NONO: variants seen among roughly 807,000 people sequenced by gnomAD.
The protein encoded by NONO is non-POU domain-containing octamer-binding protein.
Under a neutral mutation model 40.2 loss-of-function variants are expected in NONO, and 6 were observed. The ratio of observed to expected loss-of-function variants is 0.15; its 90% confidence interval spans 0.08 to 0.29. The LOEUF (loss-of-function observed/expected upper bound fraction) is 0.29, where lower values mean the gene tolerates loss of function less well. Ranked by LOEUF, NONO falls within the 10% of genes least tolerant of loss-of-function variation. The pLI is 1.00. For synonymous variants in NONO, 89 were observed against 123.3 expected (o/e 0.72, Z 1.85); for missense variants, 133 against 397.8 (o/e 0.33, Z 5.66).
At chrX:71,288,909 G>A (rs1393982220) in intron 2 of NONO, among the ~76,000 whole-genome samples, 2 of 111,903 alleles carry the variant, frequency 1.8e-5, no homozygotes, top group Non-Finnish European at 3.8e-5. Flanking sequence ...ACACAATTGA[G>A]GAACACAATT....
At chrX:71,285,041 T>C (rs2148025955) in intron 2 of NONO, 1 of 112,536 alleles carries the variant, frequency 8.9e-6, no homozygotes, top group East Asian at 2.8e-4. Context: ...CTGCACATAT[T>C]TCCAAATTAT....
Position 71,300,195 on chromosome X carries a change from G to A in NONO, c.*119G>A, listed in dbSNP as rs751032985. On this transcript the variant is annotated 3_prime_UTR_variant, in exon 12 of 12. Transcript: ENST00000276079. The stretch of plus-strand genomic sequence containing the variant: ...TCCAATAGTTAGATCTACCCTGCCT[G>A]TACTACTCTAGGGAGTATGCTGGAG... 4.1e-5 allele frequency: 35 copies of A among 856,527 alleles called. No individual in the cohort carries two copies. The highest frequency in any genetic ancestry group is 5.4e-5 in the Non-Finnish European group (32 of 590,004). 70.6% of individuals were successfully genotyped at this position (856,527 alleles called of 1,213,427 possible). A position where few individuals can be genotyped will look rare whatever the true frequency, so the allele number is the denominator to read the frequency against.
At chrX:71,299,913 T>TAC (rs1225024327) in intron 11 of NONO, 29 bp from the exon 12 acceptor site, 1 of 1,207,670 alleles carries the variant, frequency 8.3e-7, no homozygotes, top group African/African-American at 1.8e-5. Flanking sequence ...ATGGCTCTGT[T>TAC]ACAGTGTTGC....
At chrX:71,287,304 C>G (rs2031212229) in intron 2 of NONO, among the ~76,000 whole-genome samples, 1 of 111,074 alleles carries the variant, frequency 9.0e-6, no homozygotes, top group South Asian at 3.8e-4. Context: ...TGGTCTTGAA[C>G]TCCTGACCTC....
intron 5 of NONO, among the ~76,000 whole-genome samples, chrX:71,295,346 G>A (rs1208009579): frequency 1.8e-5 from 2 of 109,153 alleles, no homozygotes; most frequent in Non-Finnish European, 3.8e-5. Context: ...AATTAGCCGG[G>A]TGTGGTGGCG....
At chrX:71,295,965 T>C (rs1429412652) in intron 5 of NONO, among the ~76,000 whole-genome samples, 1 of 110,968 alleles carries the variant, frequency 9.0e-6, no homozygotes, top group South Asian at 3.7e-4. Context: ...AAAAGTTGAT[T>C]TGTGCCTGCA....
At chrX:71,299,516 T>C (rs1409483911) in intron 11 of NONO, among the ~76,000 whole-genome samples, 1 of 112,823 alleles carries the variant, frequency 8.9e-6, no homozygotes, top group Non-Finnish European at 1.9e-5. Context: ...TAGTTGTGAA[T>C]CCAAATACTT....
chrX:71,297,464 A>G lies in NONO; in HGVS notation c.1028+3A>G, dbSNP rs1447518463. Reference sequence around the variant, plus strand: ...AAACGAAAGCAACTGGAGCTCAGGTAACTTTTCTCGAACACTTTTTCCCTA... The same window carrying G: ...AAACGAAAGCAACTGGAGCTCAGGTGACTTTTCTCGAACACTTTTTCCCTA... On this transcript the variant is annotated splice_donor_region_variant and intron_variant, in intron 8 of 11. Coordinates refer to ENST00000276079, the MANE Select transcript of NONO (RefSeq NM_007363.5). The G allele has an allele frequency of 1.7e-6, 2 of 1,158,869 alleles. No homozygotes were observed. Among genetic ancestry groups the G allele is most frequent in the Non-Finnish European group, 2.3e-6 (2 of 865,129 alleles).
intron 3 of NONO, 144 bp downstream of exon 3, chrX:71,290,935 AC>A: frequency 1.5e-6 from 1 of 683,068 alleles, no homozygotes; most frequent in East Asian, 3.8e-5. Context: ...CTTAATACTT[AC>A]GATGGAAAAG....
chrX:71,293,673 C>T (rs2031373662), intron 4 of NONO, among the ~76,000 whole-genome samples: 1 of 110,089 alleles, frequency 9.1e-6, no homozygotes, highest in Admixed American at 9.6e-5. Flanking sequence ...GCTTTGTTGC[C>T]CATGCTGGAG....
Position 71,294,529 on chromosome X carries a change from G to A in NONO, c.650+1G>A, listed in dbSNP as rs2031392743. 1 of 1,196,683 alleles carries A rather than the reference G, an allele frequency of 8.4e-7. No homozygotes were observed. Among genetic ancestry groups the A allele is most frequent in the Admixed American group, 2.3e-5 (1 of 44,396 alleles). ...GTGAAGGCTCCTTCCTGCTAACCACGTAAGTGAGGGTCATTTTCAGACGTA... is the reference window on the plus strand; with the variant it reads ...GTGAAGGCTCCTTCCTGCTAACCACATAAGTGAGGGTCATTTTCAGACGTA... On this transcript the variant is annotated splice_donor_variant, in intron 5 of 11. Coordinates refer to ENST00000276079, the MANE Select transcript of NONO (RefSeq NM_007363.5). LOFTEE classifies it high-confidence loss of function.
At chrX:71,297,988 A>C in intron 9 of NONO, 50 bp downstream of exon 9, 59 of 841,629 alleles carry the variant, frequency 7.0e-5, no homozygotes, top group Non-Finnish European at 8.9e-5. Context: ...TGATAAACTC[A>C]CCATGAATTG....
chrX:71,294,674 T>C (rs1249582103), intron 5 of NONO, 146 bp downstream of exon 5: 3 of 559,950 alleles, frequency 5.4e-6, no homozygotes, highest in African/African-American at 4.7e-5. Context: ...TCCCAGCACT[T>C]TGGGAGGCCG....
At chrX:71,292,332 G>C (rs1261655785) in intron 4 of NONO, 1 of 112,793 alleles carries the variant, frequency 8.9e-6, no homozygotes, top group Non-Finnish European at 1.8e-5. Context: ...TGAGTAGCTG[G>C]GATTACAGGT....
chrX:71,283,991 A>C (rs1436215335), intron 1 of NONO: 2 of 111,749 alleles, frequency 1.8e-5, no homozygotes, highest in Non-Finnish European at 3.8e-5. Context: ...CCGTGTCAGT[A>C]AGTTGCCGGC....
intron 2 of NONO, among the ~76,000 whole-genome samples, chrX:71,288,477 C>T (rs1417220731): frequency 1.8e-5 from 2 of 111,712 alleles, no homozygotes; most frequent in Non-Finnish European, 3.8e-5. Context: ...CGGCAACCTC[C>T]GCCTCCCAGG....
At chrX:71,297,671 T>C (rs937872232) in intron 8 of NONO, 165 bp from the exon 9 acceptor site, 21 of 489,362 alleles carry the variant, frequency 4.3e-5, no homozygotes, top group Middle Eastern at 4.5e-4. Flanking sequence ...AATGCTGGTC[T>C]CATGAGGTTT....
intron 11 of NONO, among the ~76,000 whole-genome samples, chrX:71,299,311 C>T (rs1190711477): frequency 9.8e-5 from 11 of 112,610 alleles, no homozygotes; most frequent in Non-Finnish European, 1.9e-4. Context: ...CCACCAAGCC[C>T]GGCCCAGATA....
chrX:71,287,243 G>C (rs2031210603), intron 2 of NONO, among the ~76,000 whole-genome samples: 1 of 110,912 alleles, frequency 9.0e-6, no homozygotes, highest in Admixed American at 9.6e-5. Flanking sequence ...ACCATGCCCA[G>C]CTAATTTTTG....
Sources: gnomAD v4.1 joint callset for allele counts (sites outside exome capture counted in the v4.1 genomes callset) on GRCh38, gnomAD v4.1.1 for gene constraint, MANE v1.5 for transcripts, NCBI Gene and HGNC (gene_info 2026-07-23, HGNC 2026-07-21) for gene names.